The following PHAF1 variants were observed in gnomAD, a reference collection of about 807,000 sequenced individuals.
PHAF1 encodes the protein phagosome assembly factor 1.
PHAF1 carries 23 observed loss-of-function variants against 63.1 expected under a neutral mutation model. The ratio of observed to expected loss-of-function variants is 0.36; its 90% CI spans 0.26 to 0.52. The LOEUF is 0.52. Ranked by LOEUF, PHAF1 falls within the 20% of genes least tolerant of loss-of-function variation. The pLI is 0.93. For missense variants in PHAF1, 427 were observed against 517.2 expected, an observed-to-expected ratio of 0.83 and a Z score of 1.69; for synonymous variants, 167 against 185.0, an observed-to-expected ratio of 0.90 and a Z score of 0.79.
chr16:67,118,766 CTTTTTTT>C (rs910658530), intron 1 of PHAF1, among the ~76,000 whole-genome samples: 4 of 99,996 alleles, frequency 4.0e-5, no homozygotes, highest in African/African-American at 1.9e-4. Context: ...TGATCTTAAA[CTTTTTTT>C]TTTTTTTTTT....
In PHAF1 at chr16:67,120,094, T is replaced by C. The variant is rs570900207; in HGVS notation, c.65-18T>C. The C allele has an allele frequency of 1.9e-6, 3 of 1,609,680 alleles. No individual in the cohort carries two copies. The East Asian group carries it at 6.7e-5, about 36-fold the overall frequency. On this transcript the variant is annotated intron_variant, in intron 1 of 15. Coordinates refer to ENST00000219139, the MANE Select transcript of PHAF1 (RefSeq NM_025187.5). Reference sequence around the variant, plus strand: ...TGGATAGCCAAAATAACCACATAGGTGTCTTGCTTTATTTCAGGAATGCCT... The same window carrying C: ...TGGATAGCCAAAATAACCACATAGGCGTCTTGCTTTATTTCAGGAATGCCT...
intron 2 of PHAF1, among the ~76,000 whole-genome samples, chr16:67,123,686 ACCGCACCCAG>A (rs1963074337): frequency 6.6e-6 from 1 of 152,126 alleles, no homozygotes; most frequent in South Asian, 2.1e-4. Flanking sequence ...GGCATGAACC[ACCGCACCCAG>A]CCAATGTGAT....
At chr16:67,134,332 G>C (rs752303249) in intron 7 of PHAF1, 23 bp from the exon 8 acceptor site, 10 of 1,608,576 alleles carry the variant, frequency 6.2e-6, no homozygotes. Flanking sequence ...CCAAGCCTCT[G>C]CTCATTCTGT....
At position 67,145,409 on chromosome 16, in the gene PHAF1, C is replaced by A. The variant is rs958455959; in HGVS notation, c.1040C>A (p.Thr347Asn). Residue 347 changes from threonine to asparagine, a missense_variant, in exon 13 of 16, where the codon ACC becomes AAC. Coordinates refer to ENST00000219139, the MANE Select transcript of PHAF1 (RefSeq NM_025187.5). ...GATGGTCAGACAGAAACATGCACGA[C>A]CTACAGCAAGGTGAGCACCTATCTT... Reference protein sequence around the residue: ...NADGQTETCTTYSKWDNIQEL... With the variant: ...NADGQTETCTNYSKWDNIQEL... 1.1e-5 allele frequency: 18 copies of A among 1,614,162 alleles called. No homozygotes were observed. Among genetic ancestry groups the A allele is most frequent in the Non-Finnish European group, 1.5e-5 (18 of 1,180,012 alleles).
chr16:67,114,068 T>A (rs1466388028), intron 1 of PHAF1, among the ~76,000 whole-genome samples: 1 of 152,144 alleles, frequency 6.6e-6, no homozygotes, highest in Non-Finnish European at 1.5e-5. Context: ...TTTTTGAAAT[T>A]AGTCTTGAAA....
chr16:67,144,505 G>A (rs897926512), intron 11 of PHAF1, 129 bp downstream of exon 11: 4 of 710,646 alleles, frequency 5.6e-6, no homozygotes, highest in Non-Finnish European at 9.8e-6. Flanking sequence ...CATGGGAAGT[G>A]AATTTCCTGA....
At position 67,132,913 on chromosome 16, in the gene PHAF1, T is replaced by C; in HGVS notation, c.450+2T>C. ...TGGACTGAGGCTCCAAAGTATGAGG[T>C]TAGCCCTTCCTGTCCCCTGGTGTTT... On this transcript the variant is annotated splice_donor_variant, in intron 6 of 15. Transcript: ENST00000219139. LOFTEE classifies it high-confidence loss of function. 2 of 1,598,106 alleles carry C rather than the reference T, an allele frequency of 1.3e-6. No individual in the cohort carries two copies. Among genetic ancestry groups the C allele is most frequent in the Non-Finnish European group, 1.7e-6 (2 of 1,165,616 alleles).
intron 1 of PHAF1, among the ~76,000 whole-genome samples, chr16:67,119,193 C>T (rs1962875533): frequency 1.3e-5 from 2 of 152,212 alleles, no homozygotes; most frequent in South Asian, 4.1e-4. Context: ...CAGGTCATAT[C>T]TAAGCCATGG....
intron 1 of PHAF1, among the ~76,000 whole-genome samples, chr16:67,112,536 A>G (rs1962560006): frequency 6.6e-6 from 1 of 151,778 alleles, no homozygotes; most frequent in African/African-American, 2.4e-5. Context: ...ACCCTGTCTC[A>G]AGGAGACAAA....
intron 7 of PHAF1, 28 bp from the exon 8 acceptor site, chr16:67,134,327 C>G (rs2145869199): frequency 6.2e-7 from 1 of 1,607,414 alleles, no homozygotes; most frequent in South Asian, 1.1e-5. Context: ...AAGAACCAAG[C>G]CTCTGCTCAT....
At chr16:67,129,664 C>T (rs185833152) in intron 3 of PHAF1, among the ~76,000 whole-genome samples, 1 of 152,350 alleles carries the variant, frequency 6.6e-6, no homozygotes, top group East Asian at 1.9e-4. Context: ...GAGAGCAAAA[C>T]CTCCCAGCTG....
chr16:67,139,861 T>A, intron 8 of PHAF1, 123 bp from the exon 9 acceptor site: 1 of 1,073,094 alleles, frequency 9.3e-7, no homozygotes, highest in South Asian at 1.5e-5. Context: ...TCTGATTGCA[T>A]GCAGTCTTGC....
At chr16:67,117,199 A>ATTTTTTTTTTTTTTTTTTTT (rs750308105) in intron 1 of PHAF1, among the ~76,000 whole-genome samples, 13 of 111,948 alleles carry the variant, frequency 1.2e-4, no homozygotes, top group African/African-American at 3.6e-4. Flanking sequence ...TGCCCAGCTA[A>ATTTTTTTTTTTTTTTTTTTT]TTTTTTTTTT....
At chr16:67,146,769 C>T (rs1167624139) in intron 15 of PHAF1, among the ~76,000 whole-genome samples, 1 of 152,144 alleles carries the variant, frequency 6.6e-6, no homozygotes, top group Non-Finnish European at 1.5e-5. Flanking sequence ...CAGCAAGCTG[C>T]CCTTGTTTTC....
In PHAF1 at chr16:67,148,337, T is replaced by C. The variant is rs2030287463; in HGVS notation, c.*1206T>C. On this transcript the variant is annotated 3_prime_UTR_variant, in exon 16 of 16. Transcript: ENST00000219139. ...GTTTGTGTGGCGCTCCCGACTTTTGTGACTGACTGGTGTCTTCCCATTTGG... is the reference window on the plus strand; with the variant it reads ...GTTTGTGTGGCGCTCCCGACTTTTGCGACTGACTGGTGTCTTCCCATTTGG... 6.5e-6 allele frequency: 1 copy of C among 152,690 alleles called. No homozygotes were observed. The highest frequency in any genetic ancestry group is 6.5e-5 in the Admixed American group (1 of 15,282). The allele number at this position is 152,690 out of a possible 1,614,324, so 9.5% of individuals were successfully genotyped here.
intron 8 of PHAF1, among the ~76,000 whole-genome samples, chr16:67,138,298 C>A (rs1157351467): frequency 6.6e-6 from 1 of 152,134 alleles, no homozygotes; most frequent in African/African-American, 2.4e-5. Context: ...TTTATTTCCC[C>A]CTCAGTGTAT....
intron 2 of PHAF1, among the ~76,000 whole-genome samples, chr16:67,123,126 A>C (rs1597192510): frequency 6.9e-6 from 1 of 144,772 alleles, no homozygotes; most frequent in African/African-American, 2.6e-5. Context: ...TTGCTCTGTC[A>C]CCAATTCTGG....
intron 1 of PHAF1, among the ~76,000 whole-genome samples, chr16:67,119,180 T>C (rs1962874829): frequency 6.6e-6 from 1 of 152,180 alleles, no homozygotes; most frequent in South Asian, 2.1e-4. Context: ...AAAGGACCTA[T>C]CTCAGGTCAT....
chr16:67,136,812 C>T (rs1015054675), intron 8 of PHAF1, among the ~76,000 whole-genome samples: 7 of 151,944 alleles, frequency 4.6e-5, no homozygotes, highest in Admixed American at 1.3e-4. Flanking sequence ...AACTCCTAGC[C>T]TTAAGCGGTC....
Sources: gnomAD v4.1 joint callset for allele counts (sites outside exome capture counted in the v4.1 genomes callset) on GRCh38, gnomAD v4.1.1 for gene constraint, MANE v1.5 for transcripts, NCBI Gene and HGNC (gene_info 2026-07-23, HGNC 2026-07-21) for gene names.